NTF4: variants seen among roughly 807,000 people sequenced by gnomAD.
NTF4 encodes neurotrophin-4.
In NTF4, 2 loss-of-function variants were observed where a neutral mutation model predicts 4.4. That is an observed-to-expected ratio of 0.46 (90% CI 0.19 to 1.44). NTF4 has a LOEUF of 1.44. NTF4 is among the 40% of genes most tolerant of loss of function. The pLI, the probability that NTF4 is intolerant of heterozygous loss-of-function variation, is 0.26. For synonymous variants in NTF4, 127 were observed against 122.0 expected (o/e 1.04, Z -0.27); for missense variants, 260 against 293.0 (o/e 0.89, Z 0.82).
chr19:49,062,724 T>A (rs10419206), upstream of NTF4, among the ~76,000 whole-genome samples: 1 of 152,062 alleles, frequency 6.6e-6, no homozygotes, highest in African/African-American at 2.4e-5. Context: ...GTGGAGGTTG[T>A]GGTGGGCTGA....
chr19:49,059,222 G>A (rs1444680229), downstream of NTF4, among the ~76,000 whole-genome samples: 1 of 152,132 alleles, frequency 6.6e-6, no homozygotes, highest in Non-Finnish European at 1.5e-5. Context: ...TGTCCCCGGG[G>A]CTCCCCAACC....
chr19:49,063,356 C>A (rs1453815067), upstream of NTF4, among the ~76,000 whole-genome samples: 1 of 139,878 alleles, frequency 7.1e-6, no homozygotes, highest in Non-Finnish European at 1.5e-5. Flanking sequence ...CTCCCTCTGT[C>A]GCCCAGGCTG....
upstream of NTF4, chr19:49,062,052 A>T: frequency 7.0e-7 from 1 of 1,427,000 alleles, no homozygotes; most frequent in Non-Finnish European, 9.2e-7. Flanking sequence ...GAAGGGGGTA[A>T]AAACTTCAGT....
At position 49,061,218 on chromosome 19, in the gene NTF4, C is replaced by T; in HGVS notation, c.*147G>A. 6.7e-7 allele frequency: 1 copy of T among 1,485,062 alleles called. No individual in the cohort carries two copies. Among genetic ancestry groups the T allele is most frequent in the African/African-American group, 1.4e-5 (1 of 72,262 alleles). 92.0% of individuals were successfully genotyped at this position (1,485,062 alleles called of 1,614,324 possible). A position where few individuals can be genotyped will look rare whatever the true frequency, so the allele number is the denominator to read the frequency against. ...CAACCTCCAAAACCCCATGTGGTTT[C>T]ACCCATCCTGCAGAGATTGAGCTCA... On this transcript the variant is annotated 3_prime_UTR_variant, in exon 1 of 1. Transcript: ENST00000593537. The surrounding 1 kb of genome is among the most constrained non-coding windows in gnomAD (Gnocchi z 4.9).
In NTF4 at chr19:49,061,275, G is replaced by C. The variant is rs564961043; in HGVS notation, c.*90C>G. 14 of 1,580,026 alleles carry C rather than the reference G, an allele frequency of 8.9e-6. No homozygotes were observed. The East Asian group carries it at 3.0e-4, about 33-fold the overall frequency. ...GAGAATTGTGATTTTGTGATTATTT[G>C]ATGAGTTCCCAAACTGGGGTCCTTA... On this transcript the variant is annotated 3_prime_UTR_variant, in exon 1 of 1. Coordinates refer to ENST00000593537, the Ensembl canonical transcript of NTF4. This position sits in a 1 kb window ranked among gnomAD's most constrained non-coding sequence, Gnocchi z 4.9.
chr19:49,058,604 C>A, downstream of NTF4: 1 of 454,688 alleles, frequency 2.2e-6, no homozygotes, highest in South Asian at 4.6e-5. Context: ...AGCCTAGGGT[C>A]TGCCCACCTG....
Position 49,061,414 on chromosome 19 carries a change from A to G in NTF4, c.584T>C (p.Ile195Thr), listed in dbSNP as rs779851034. The G allele has an allele frequency of 1.9e-6, 3 of 1,613,618 alleles. No individual in the cohort carries two copies. Among genetic ancestry groups the G allele is most frequent in the Non-Finnish European group, 2.5e-6 (3 of 1,180,006 alleles). The change falls in exon 1 of 1, where the codon ATT (isoleucine) becomes ACT (threonine). Residue 195 changes from isoleucine to threonine, a missense_variant. Coordinates refer to ENST00000593537, the Ensembl canonical transcript of NTF4. The surrounding 1 kb of genome is among the most constrained non-coding windows in gnomAD (Gnocchi z 4.9). ...GAGTGTGCAGACGCAGGCAGTGTCAATTCGAATCCATCGCCAGCCCACACG... is the reference window on the plus strand; with the variant it reads ...GAGTGTGCAGACGCAGGCAGTGTCAGTTCGAATCCATCGCCAGCCCACACG...
At chr19:49,058,636 T>A (rs2040095859), downstream of NTF4, 1 of 377,628 alleles carries the variant, frequency 2.6e-6, no homozygotes, top group Non-Finnish European at 4.8e-6. Context: ...GGGGGAAGGG[T>A]ACGGGTGGGA....
chr19:49,058,299 G>T, downstream of NTF4: 1 of 1,509,978 alleles, frequency 6.6e-7, no homozygotes, highest in Non-Finnish European at 8.8e-7. Flanking sequence ...AAGCCCAGAT[G>T]CGAGAATCCT....
At position 49,061,093 on chromosome 19, in the gene NTF4, G is replaced by T; in HGVS notation, c.*272C>A. On this transcript the variant is annotated 3_prime_UTR_variant, in exon 1 of 1. Transcript: ENST00000593537. This position sits in a 1 kb window ranked among gnomAD's most constrained non-coding sequence, Gnocchi z 4.9. The stretch of plus-strand genomic sequence containing the variant: ...CATGAGAGTTGATCTGAGGAGTTAT[G>T]TATTAGGGATAAGAAACAGTAAACA... 1 of 547,550 alleles carries T rather than the reference G, an allele frequency of 1.8e-6. No homozygotes were observed. Among genetic ancestry groups the T allele is most frequent in the Non-Finnish European group, 3.2e-6 (1 of 311,270 alleles). 33.9% of individuals were successfully genotyped at this position (547,550 alleles called of 1,614,324 possible). A position where few individuals can be genotyped will look rare whatever the true frequency, so the allele number is the denominator to read the frequency against.
At chr19:49,059,678 G>C (rs540446213), downstream of NTF4, among the ~76,000 whole-genome samples, 1 of 152,102 alleles carries the variant, frequency 6.6e-6, no homozygotes, top group Non-Finnish European at 1.5e-5. Context: ...TTGGTGGGGC[G>C]ATGGGTAACA....
downstream of NTF4, among the ~76,000 whole-genome samples, chr19:49,060,188 T>A (rs2040116148): frequency 4.7e-5 from 7 of 148,608 alleles, no homozygotes; most frequent in Non-Finnish European, 1.5e-5. Context: ...CACTTACCCC[T>A]CCTCCCCCAT....
chr19:49,058,403 C>T (rs1384141473), downstream of NTF4: 3 of 819,872 alleles, frequency 3.7e-6, no homozygotes, highest in East Asian at 5.5e-5. Flanking sequence ...TATCACCCCC[C>T]ACCCCAAACT....
chr19:49,062,929 C>A (rs1277209204), upstream of NTF4, among the ~76,000 whole-genome samples: 2 of 152,168 alleles, frequency 1.3e-5, no homozygotes, highest in African/African-American at 4.8e-5. Context: ...TGGGACTTCA[C>A]CTCTGGGCAA....
chr19:49,059,869 G>GA (rs1174511723), downstream of NTF4, among the ~76,000 whole-genome samples: 1 of 151,616 alleles, frequency 6.6e-6, no homozygotes, highest in Non-Finnish European at 1.5e-5. Context: ...CCAACATGGC[G>GA]AAACCCTGTC....
downstream of NTF4, among the ~76,000 whole-genome samples, chr19:49,059,958 A>C (rs2122217580): frequency 7.0e-6 from 1 of 143,646 alleles, no homozygotes; most frequent in Non-Finnish European, 1.5e-5. Context: ...AATCACTTCA[A>C]CCCGGGAGGT....
At position 49,061,205 on chromosome 19, in the gene NTF4, C is replaced by T. The variant is rs937293503; in HGVS notation, c.*160G>A. On this transcript the variant is annotated 3_prime_UTR_variant, in exon 1 of 1. Transcript: ENST00000593537. This position sits in a 1 kb window ranked among gnomAD's most constrained non-coding sequence, Gnocchi z 4.9. ...GAGAACTCCTATTCAACCTCCAAAA[C>T]CCCATGTGGTTTCACCCATCCTGCA... The T allele has an allele frequency of 2.8e-6, 4 of 1,432,438 alleles. No homozygotes were observed. The highest frequency in any genetic ancestry group is 3.7e-6 in the Non-Finnish European group (4 of 1,069,084). 88.7% of individuals were successfully genotyped at this position (1,432,438 alleles called of 1,614,324 possible). A position where few individuals can be genotyped will look rare whatever the true frequency, so the allele number is the denominator to read the frequency against.
chr19:49,062,854 T>G (rs2040170034), upstream of NTF4, among the ~76,000 whole-genome samples: 1 of 152,152 alleles, frequency 6.6e-6, no homozygotes, highest in Admixed American at 6.5e-5. Context: ...GTAACAGATG[T>G]TGAAATACAG....
At chr19:49,062,132 G>T, upstream of NTF4, 1 of 1,096,650 alleles carries the variant, frequency 9.1e-7, no homozygotes, top group Non-Finnish European at 1.2e-6. Context: ...TGTTCTAGAA[G>T]TTTGGGGGAC....
Sources: gnomAD v4.1 joint callset for allele counts (sites outside exome capture counted in the v4.1 genomes callset) on GRCh38, gnomAD v4.1.1 for gene constraint, Gnocchi (gnomAD v3.1) non-coding constraint, MANE v1.5 for transcripts, NCBI Gene and HGNC (gene_info 2026-07-23, HGNC 2026-07-21) for gene names.